GPC5: variants seen among roughly 807,000 people sequenced by gnomAD.
GPC5 encodes glypican-5.
Under a neutral mutation model 53.9 loss-of-function variants are expected in GPC5, and 47 were observed. The observed-to-expected ratio is 0.87, with a 90% CI of 0.69 to 1.11. The LOEUF is 1.11. Ranked by LOEUF, GPC5 falls within the 50% of genes most tolerant of loss-of-function variation. GPC5 has a pLI of 0.00. For synonymous variants in GPC5, 286 were observed against 263.3 expected, an observed-to-expected ratio of 1.09 and a Z score of -0.84; for missense variants, 748 against 713.1, an observed-to-expected ratio of 1.05 and a Z score of -0.56.
At chr13:92,064,807 T>A (rs1414895849) in intron 6 of GPC5, among the ~76,000 whole-genome samples, 1 of 149,040 alleles carries the variant, frequency 6.7e-6, no homozygotes, top group African/African-American at 2.5e-5. Context: ...GCAATAATTA[T>A]GACAAAATAA....
intron 4 of GPC5, among the ~76,000 whole-genome samples, chr13:91,752,150 A>T (rs1254781243): frequency 6.6e-6 from 1 of 152,212 alleles, no homozygotes; most frequent in East Asian, 1.9e-4. Flanking sequence ...TAAGGACACC[A>T]GTCATATTGG....
intron 7 of GPC5, among the ~76,000 whole-genome samples, chr13:92,430,267 T>A (rs1314041860): frequency 6.6e-6 from 1 of 152,142 alleles, no homozygotes; most frequent in East Asian, 1.9e-4. Context: ...GAAATGTATA[T>A]GTGCTAAAGT....
chr13:91,729,305 T>G (rs368113277), intron 4 of GPC5, among the ~76,000 whole-genome samples: 1 of 152,148 alleles, frequency 6.6e-6, no homozygotes, highest in African/African-American at 2.4e-5. Context: ...GTTCCTTTGC[T>G]TGATAATGGA....
At chr13:92,047,286 T>A (rs1307458526) in intron 6 of GPC5, among the ~76,000 whole-genome samples, 1 of 152,084 alleles carries the variant, frequency 6.6e-6, no homozygotes, top group Non-Finnish European at 1.5e-5. Context: ...TCATCTTAGA[T>A]CTGAATTCTC....
chr13:92,343,990 A>C (rs906850960), intron 7 of GPC5, among the ~76,000 whole-genome samples: 3 of 152,044 alleles, frequency 2.0e-5, no homozygotes, highest in African/African-American at 7.2e-5. Flanking sequence ...ATGAGGAATA[A>C]TTTTTAATTG....
At chr13:92,030,791 T>C (rs1229515763) in intron 6 of GPC5, among the ~76,000 whole-genome samples, 1 of 152,210 alleles carries the variant, frequency 6.6e-6, no homozygotes, top group Admixed American at 6.5e-5. Context: ...GGGAAGAGCC[T>C]GGCGTCTCCT....
chr13:92,748,311 T>A (rs907461859), intron 7 of GPC5, among the ~76,000 whole-genome samples: 1 of 142,348 alleles, frequency 7.0e-6, no homozygotes, highest in South Asian at 2.2e-4. Context: ...TGCATTTTAT[T>A]TTATTATTAT....
chr13:92,372,113 C>T (rs2043655233), intron 7 of GPC5, among the ~76,000 whole-genome samples: 1 of 152,198 alleles, frequency 6.6e-6, no homozygotes, highest in Non-Finnish European at 1.5e-5. Context: ...GAGAGGAACA[C>T]AGCCCTGCCG....
chr13:91,921,031 C>A (rs759904069), intron 6 of GPC5, among the ~76,000 whole-genome samples: 1 of 140,620 alleles, frequency 7.1e-6, no homozygotes, highest in African/African-American at 2.7e-5. Context: ...CTGTCTCCTG[C>A]GTTCAAGTGA....
intron 5 of GPC5, among the ~76,000 whole-genome samples, chr13:91,877,095 C>G (rs2039211287): frequency 6.6e-6 from 1 of 152,206 alleles, no homozygotes; most frequent in Non-Finnish European, 1.5e-5. Context: ...GCCTAGATTT[C>G]AGAAGATGTT....
rs1400465017 is a variant in GPC5 at position 92,793,251 on chromosome 13, G to T, written c.1562-73031G>T. Among the ~76,000 whole-genome samples the T allele has an allele frequency of 3.3e-5, 5 of 152,052 alleles. No individual in the cohort carries two copies. In the East Asian group the frequency reaches 9.7e-4, roughly 29 times the overall value. On this transcript the variant is annotated intron_variant, in intron 7 of 7. Transcript: ENST00000377067. The stretch of plus-strand genomic sequence containing the variant: ...GAAACTCACTCAAAACCACACAACT[G>T]CATGGAAACTGAACCACCTGCTCCT...
chr13:91,929,161 T>C (rs776720035), intron 6 of GPC5, among the ~76,000 whole-genome samples: 4 of 152,118 alleles, frequency 2.6e-5, no homozygotes, highest in Non-Finnish European at 5.9e-5. Context: ...TTTTAAATAT[T>C]ATTCTTAAAT....
At chr13:91,629,210 T>C (rs2034091167) in intron 2 of GPC5, among the ~76,000 whole-genome samples, 1 of 152,164 alleles carries the variant, frequency 6.6e-6, no homozygotes, top group African/African-American at 2.4e-5. Flanking sequence ...CCACACTTTT[T>C]ACAGAAGAGA....
chr13:91,905,791 G>T (rs1433439566), intron 5 of GPC5, among the ~76,000 whole-genome samples: 1 of 152,062 alleles, frequency 6.6e-6, no homozygotes, highest in Non-Finnish European at 1.5e-5. Context: ...GGGAAGGAAA[G>T]TTACATTAAA....
At chr13:92,476,722 T>C (rs970037280) in intron 7 of GPC5, among the ~76,000 whole-genome samples, 11 of 148,848 alleles carry the variant, frequency 7.4e-5, no homozygotes, top group African/African-American at 2.8e-4. Flanking sequence ...CCATAAAAAA[T>C]GATGAGTTCA....
At chr13:92,087,935 A>C (rs1284632534) in intron 6 of GPC5, among the ~76,000 whole-genome samples, 1 of 147,908 alleles carries the variant, frequency 6.8e-6, no homozygotes, top group Non-Finnish European at 1.5e-5. Flanking sequence ...GCTTCCAACT[A>C]CTTTTTTTTT....
At chr13:91,755,090 C>T (rs2037261267) in intron 4 of GPC5, among the ~76,000 whole-genome samples, 1 of 152,016 alleles carries the variant, frequency 6.6e-6, no homozygotes. Context: ...GGTTTGTGTC[C>T]AGCCTGGGCA....
chr13:91,554,852 A>G (rs751736537), intron 2 of GPC5, among the ~76,000 whole-genome samples: 3 of 152,114 alleles, frequency 2.0e-5, no homozygotes, highest in Non-Finnish European at 4.4e-5. Context: ...AGAGAGAGAC[A>G]TAACACACAG....
chr13:92,249,521 A>G (rs1854813), intron 7 of GPC5, among the ~76,000 whole-genome samples: 85,504 of 151,704 alleles, frequency 0.56, 24,355 homozygotes, highest in South Asian at 0.65. Flanking sequence ...AGAACTGGCT[A>G]AGAATTTATT....
Sources: gnomAD v4.1 joint callset for allele counts (sites outside exome capture counted in the v4.1 genomes callset) on GRCh38, gnomAD v4.1.1 for gene constraint, MANE v1.5 for transcripts, NCBI Gene and HGNC (gene_info 2026-07-23, HGNC 2026-07-21) for gene names.